The following SUPT5H variants were observed in gnomAD, a reference collection of about 807,000 sequenced individuals.
SUPT5H encodes transcription elongation factor SPT5.
A neutral mutation model predicts 142.5 loss-of-function variants in SUPT5H; 24 were observed. The observed-to-expected ratio is 0.17, with a 90% CI of 0.12 to 0.24. The LOEUF is 0.24. Ranked by LOEUF, SUPT5H falls within the 10% of genes least tolerant of loss-of-function variation. The pLI is 1.00. For missense variants in SUPT5H, 893 were observed against 1,471.8 expected, an observed-to-expected ratio of 0.61 and a Z score of 6.43; for synonymous variants, 546 against 553.0, an observed-to-expected ratio of 0.99 and a Z score of 0.18.
chr19:39,456,118 T>C (rs886215852), intron 3 of SUPT5H, among the ~76,000 whole-genome samples: 4 of 151,724 alleles, frequency 2.6e-5, no homozygotes, highest in African/African-American at 9.7e-5. Flanking sequence ...GGTTTCACCA[T>C]GTTGGCCAGG....
chr19:39,450,941 C>G (rs1415085421), intron 2 of SUPT5H, among the ~76,000 whole-genome samples: 2 of 152,004 alleles, frequency 1.3e-5, no homozygotes, highest in South Asian at 2.1e-4. Context: ...TTATAGTTAC[C>G]TTGTGTTTAT....
intron 2 of SUPT5H, among the ~76,000 whole-genome samples, chr19:39,447,935 T>C (rs1228828979): frequency 6.6e-6 from 1 of 152,184 alleles, no homozygotes; most frequent in Non-Finnish European, 1.5e-5. Context: ...AAATTGGCTG[T>C]TAAATTAGTT....
At position 39,449,836 on chromosome 19, in the gene SUPT5H, C is replaced by T. The variant is rs566583480; in HGVS notation, c.76-3520C>T. Among the ~76,000 whole-genome samples, 15 of 151,888 alleles carry T rather than the reference C, an allele frequency of 9.9e-5. No homozygotes were observed. In the East Asian group the frequency reaches 2.3e-3, roughly 24 times the overall value. On this transcript the variant is annotated intron_variant, in intron 2 of 29. Coordinates refer to ENST00000432763, the MANE Select transcript of SUPT5H (RefSeq NM_001111020.3). ...TATATTTTTGGTAGAGATGGGGTTT[C>T]ACCATGTTGGCCAGGGTGGTCTCAG...
chr19:39,470,476 C>G lies in SUPT5H; in HGVS notation c.1630C>G (p.Pro544Ala). The G allele has an allele frequency of 6.2e-7, 1 of 1,601,258 alleles. No homozygotes were observed. Among genetic ancestry groups the G allele is most frequent in the East Asian group, 2.3e-5 (1 of 44,338 alleles). Residue 544 changes from proline to alanine, a missense_variant, in exon 18 of 30, where the codon CCC (proline) becomes GCC (alanine). Pro to Ala is a conservative substitution (Grantham distance 27, BLOSUM62 -1). Coordinates refer to ENST00000432763, the MANE Select transcript of SUPT5H (RefSeq NM_001111020.3). This position sits in a 1 kb window ranked among gnomAD's most constrained non-coding sequence, Gnocchi z 5.8. ...HEWGELVQLD[P>A]QTVGVIVRLE... ...ATGGGGCGAGCTGGTGCAGCTGGAT[C>G]CCCAGACTGTGGGTGTCATCGTGCG...
At chr19:39,459,741 A>C in intron 9 of SUPT5H, 151 bp from the exon 10 acceptor site, 6 of 1,270,688 alleles carry the variant, frequency 4.7e-6, no homozygotes, top group Non-Finnish European at 6.8e-6. Context: ...CTGACTGGCT[A>C]TCTCCCACCT....
chr19:39,456,698 A>G (rs919969874), intron 3 of SUPT5H, among the ~76,000 whole-genome samples: 3 of 151,958 alleles, frequency 2.0e-5, no homozygotes, highest in African/African-American at 4.8e-5. Flanking sequence ...GATTACAGGC[A>G]TGAGCCACCG....
rs775800379 is a variant in SUPT5H at position 39,474,487 on chromosome 19, C to G, written c.2821-28C>G. The stretch of plus-strand genomic sequence containing the variant: ...GGTCGGCCAGGCCAGATGACTATTC[C>G]CAATGACACTTCCTCTTTCCCCTGC... On this transcript the variant is annotated intron_variant, in intron 27 of 29. Transcript: ENST00000432763. This position sits in a 1 kb window ranked among gnomAD's most constrained non-coding sequence, Gnocchi z 6.5. The G allele has an allele frequency of 1.2e-6, 2 of 1,613,068 alleles. No homozygotes were observed. Among genetic ancestry groups the G allele is most frequent in the Admixed American group, 3.3e-5 (2 of 59,980 alleles).
chr19:39,458,261 ACC>A lies in SUPT5H; in HGVS notation c.308-32_308-31del. Reference sequence around the variant, plus strand: ...CACCACCACCACCACCACCACCACCACCACCACCACCACCTCCTCTTCCTCCA... The same window carrying A: ...CACCACCACCACCACCACCACCACCAACCACCACCACCTCCTCTTCCTCCA... On this transcript the variant is annotated intron_variant, in intron 4 of 29. Transcript: ENST00000432763. The surrounding 1 kb of genome is among the most constrained non-coding windows in gnomAD (Gnocchi z 4.2). 4.1e-6 allele frequency: 3 copies of A among 727,722 alleles called. No homozygotes were observed. The highest frequency in any genetic ancestry group is 4.5e-6 in the Non-Finnish European group (2 of 449,186). The allele number at this position is 727,722 out of a possible 1,614,324, so 45.1% of individuals were successfully genotyped here.
In SUPT5H at chr19:39,466,843, T is replaced by C; in HGVS notation, c.1037+98T>C. 3.4e-6 allele frequency: 4 copies of C among 1,179,492 alleles called. No individual in the cohort carries two copies. Among genetic ancestry groups the C allele is most frequent in the Non-Finnish European group, 5.1e-6 (4 of 790,060 alleles). 73.1% of individuals were successfully genotyped at this position (1,179,492 alleles called of 1,614,324 possible). A position where few individuals can be genotyped will look rare whatever the true frequency, so the allele number is the denominator to read the frequency against. On this transcript the variant is annotated intron_variant, in intron 13 of 29. Transcript: ENST00000432763. The surrounding 1 kb of genome is among the most constrained non-coding windows in gnomAD (Gnocchi z 4.3). The stretch of plus-strand genomic sequence containing the variant: ...TCCCCAGGGGTGGCCCCGCCACAGG[T>C]TTAGCCTGTGAATTGGTTAGCTTGG...
Position 39,476,211 on chromosome 19 carries a change from G to A in SUPT5H, c.3120+35G>A, listed in dbSNP as rs372700871. The A allele has an allele frequency of 1.3e-4, 213 of 1,614,054 alleles. 3 individuals carry two copies. The South Asian group carries it at 2.1e-3, about 16-fold the overall frequency. On this transcript the variant is annotated intron_variant, in intron 29 of 29. Transcript: ENST00000432763. ...GGGGGCAAGGAGATAAGATGGGGCC[G>A]TTGGGTGCTGACATGGACCCTGACC...
At position 39,473,970 on chromosome 19, in the gene SUPT5H, G is replaced by A; in HGVS notation, c.2500G>A (p.Glu834Lys). 2 of 1,613,882 alleles carry A rather than the reference G, an allele frequency of 1.2e-6. No homozygotes were observed. Among genetic ancestry groups the A allele is most frequent in the Non-Finnish European group, 1.7e-6 (2 of 1,179,972 alleles). Residue 834 changes from glutamate to lysine, a missense_variant, in exon 26 of 30, where the codon GAA becomes AAA. Coordinates refer to ENST00000432763, the MANE Select transcript of SUPT5H (RefSeq NM_001111020.3). This position sits in a 1 kb window ranked among gnomAD's most constrained non-coding sequence, Gnocchi z 5.8. ...NNPNTPSRAE[E>K]EYEYAFDDEP... ...AGACTTTTCTCCCAACAGGGCTGAG[G>A]AAGAATATGAGTATGCTTTCGATGA... is the stretch of plus-strand genomic sequence containing the variant.
At chr19:39,459,365 G>A in intron 8 of SUPT5H, 116 bp downstream of exon 8, 1 of 1,380,184 alleles carries the variant, frequency 7.2e-7, no homozygotes, top group Admixed American at 2.0e-5. Flanking sequence ...AGGCAGTGTG[G>A]TGGATGGCAG....
At chr19:39,459,784 C>G in intron 9 of SUPT5H, 108 bp from the exon 10 acceptor site, 2 of 1,355,572 alleles carry the variant, frequency 1.5e-6, no homozygotes, top group Non-Finnish European at 2.1e-6. Context: ...TTCTTTCTCT[C>G]TCCTCTCTTG....
intron 3 of SUPT5H, among the ~76,000 whole-genome samples, chr19:39,456,413 G>T (rs57193272): frequency 0.6 from 87,463 of 145,248 alleles, 27,197 homozygotes; most frequent in African/African-American, 0.78. Context: ...TTTTTTTGTT[G>T]TTGTTGTTGT....
At chr19:39,463,728 A>C (rs1444788877) in intron 10 of SUPT5H, among the ~76,000 whole-genome samples, 1 of 152,154 alleles carries the variant, frequency 6.6e-6, no homozygotes. Flanking sequence ...GTCTAGCTCT[A>C]TCCATGATTG....
chr19:39,449,514 A>G (rs1421143556), intron 2 of SUPT5H, among the ~76,000 whole-genome samples: 1 of 152,088 alleles, frequency 6.6e-6, no homozygotes, highest in African/African-American at 2.4e-5. Context: ...ACTGGGCCCT[A>G]CTATTGGGAG....
At chr19:39,449,760 T>A (rs1173835037) in intron 2 of SUPT5H, among the ~76,000 whole-genome samples, 3 of 151,328 alleles carry the variant, frequency 2.0e-5, no homozygotes, top group Admixed American at 2.0e-4. Flanking sequence ...CTCTCTCAGC[T>A]TCCTGAGTAG....
chr19:39,466,832 C>T lies in SUPT5H; in HGVS notation c.1037+87C>T, dbSNP rs8103333. ...TTGCAGGTTCCTCCCCAGGGGTGGC[C>T]CCGCCACAGGTTTAGCCTGTGAATT... On this transcript the variant is annotated intron_variant, in intron 13 of 29. Transcript: ENST00000432763. This position sits in a 1 kb window ranked among gnomAD's most constrained non-coding sequence, Gnocchi z 4.3. The T allele has an allele frequency of 0.17, 220,495 of 1,336,014 alleles. 18,911 individuals carry two copies. Among genetic ancestry groups the T allele is most frequent in the Non-Finnish European group, 0.18 (165,256 of 929,586 alleles). The allele number at this position is 1,336,014 out of a possible 1,614,324, so 82.8% of individuals were successfully genotyped here.
rs200763038 is a variant in SUPT5H at position 39,470,415 on chromosome 19, G to A, written c.1569G>A (p.Glu523=). Residue 523 remains glutamate (E), a synonymous_variant, in exon 18 of 30, where the codon GAG becomes GAA. Coordinates refer to ENST00000432763, the MANE Select transcript of SUPT5H (RefSeq NM_001111020.3). This position sits in a 1 kb window ranked among gnomAD's most constrained non-coding sequence, Gnocchi z 5.8. ...VLPRDLQLCS[E]TASGVDVGGQ... ...CCCGGGACCTGCAGCTCTGCTCAGA[G>A]ACAGCATCAGGTGTGGATGTTGGGG... 3.7e-6 allele frequency: 6 copies of A among 1,604,016 alleles called. No homozygotes were observed. Among genetic ancestry groups the A allele is most frequent in the East Asian group, 2.2e-5 (1 of 44,544 alleles).
Sources: gnomAD v4.1 joint callset for allele counts (sites outside exome capture counted in the v4.1 genomes callset) on GRCh38, gnomAD v4.1.1 for gene constraint, Gnocchi (gnomAD v3.1) non-coding constraint, MANE v1.5 for transcripts, NCBI Gene and HGNC (gene_info 2026-07-23, HGNC 2026-07-21) for gene names.